PRR16: variants seen among roughly 807,000 people sequenced by gnomAD.
The protein encoded by PRR16 is protein Largen.
PRR16 carries 6 observed loss-of-function variants against 18.2 expected under a neutral mutation model. That is an observed-to-expected ratio of 0.33 (90% CI 0.18 to 0.65). PRR16 has a LOEUF of 0.65. Ranked by LOEUF, PRR16 falls within the 30% of genes least tolerant of loss-of-function variation. The pLI, the probability that PRR16 is intolerant of heterozygous loss-of-function variation, is 0.74. For missense variants in PRR16, 412 were observed against 376.6 expected, an observed-to-expected ratio of 1.09 and a Z score of -0.78; for synonymous variants, 151 against 147.8, an observed-to-expected ratio of 1.02 and a Z score of -0.16.
chr5:120,761,820 G>A, the PRR16 span, among the ~76,000 whole-genome samples: 1 of 151,954 alleles, frequency 6.6e-6, no homozygotes, highest in East Asian at 1.9e-4. Flanking sequence ...TATTCGTTCT[G>A]TCTAACTGTA....
At chr5:120,718,228 C>T in the PRR16 span, among the ~76,000 whole-genome samples, 1 of 152,062 alleles carries the variant, frequency 6.6e-6, no homozygotes, top group African/African-American at 2.4e-5. Flanking sequence ...TTCTGTGGCC[C>T]TACTTAATTA....
chr5:120,515,265 A>G (rs946222604), intron 1 of PRR16, among the ~76,000 whole-genome samples: 1 of 152,188 alleles, frequency 6.6e-6, no homozygotes, highest in African/African-American at 2.4e-5. Context: ...ACATTAATCT[A>G]TTTATGAGGG....
At chr5:120,619,078 G>A (rs1169648111) in intron 1 of PRR16, among the ~76,000 whole-genome samples, 1 of 152,122 alleles carries the variant, frequency 6.6e-6, no homozygotes, top group African/African-American at 2.4e-5. Flanking sequence ...GGCATAGATT[G>A]ATAACTCATG....
intron 1 of PRR16, among the ~76,000 whole-genome samples, chr5:120,566,993 T>C (rs1752758228): frequency 6.6e-6 from 1 of 152,310 alleles, no homozygotes; most frequent in East Asian, 1.9e-4. Flanking sequence ...TCCTAAGGCA[T>C]ACCCAGTTCC....
At chr5:120,664,341 A>C (rs949075203) in intron 1 of PRR16, among the ~76,000 whole-genome samples, 3 of 151,814 alleles carry the variant, frequency 2.0e-5, no homozygotes, top group Non-Finnish European at 2.9e-5. Context: ...ACAAATCCTT[A>C]TCTCGTGCTG....
chr5:120,608,893 G>A (rs909479274), intron 1 of PRR16, among the ~76,000 whole-genome samples: 8 of 151,758 alleles, frequency 5.3e-5, no homozygotes, highest in Non-Finnish European at 8.8e-5. Flanking sequence ...TTTATACTTC[G>A]GTCTTCATTT....
intron 1 of PRR16, among the ~76,000 whole-genome samples, chr5:120,611,683 G>A (rs975199188): frequency 3.3e-5 from 5 of 152,328 alleles, no homozygotes; most frequent in East Asian, 3.9e-4. Flanking sequence ...GAAGATGTAC[G>A]GGAATGTCTG....
At chr5:120,604,917 C>T (rs1448400225) in intron 1 of PRR16, among the ~76,000 whole-genome samples, 1 of 152,138 alleles carries the variant, frequency 6.6e-6, no homozygotes, top group Non-Finnish European at 1.5e-5. Flanking sequence ...AGACTGCTGA[C>T]ATTACCTTTG....
chr5:120,770,087 AAAG>A, the PRR16 span, among the ~76,000 whole-genome samples: 2 of 151,970 alleles, frequency 1.3e-5, no homozygotes, highest in Non-Finnish European at 2.9e-5. Context: ...TTTATAAAGT[AAAG>A]AAAATCCTAA....
chr5:120,776,862 C>A, the PRR16 span, among the ~76,000 whole-genome samples: 1 of 151,850 alleles, frequency 6.6e-6, no homozygotes, highest in African/African-American at 2.4e-5. Flanking sequence ...GACCGTAATT[C>A]TTATTATTGT....
At chr5:120,557,741 T>A (rs928295006) in intron 1 of PRR16, among the ~76,000 whole-genome samples, 2 of 151,922 alleles carry the variant, frequency 1.3e-5, no homozygotes, top group Admixed American at 6.6e-5. Flanking sequence ...CATTAAATAC[T>A]TTGAAAAAGC....
chr5:120,792,189 A>G, the PRR16 span, among the ~76,000 whole-genome samples: 1 of 152,222 alleles, frequency 6.6e-6, no homozygotes, highest in Non-Finnish European at 1.5e-5. Flanking sequence ...CTCAGTGATA[A>G]GCAGCACTTT....
chr5:120,701,045 G>T, the PRR16 span, among the ~76,000 whole-genome samples: 68 of 152,290 alleles, frequency 4.5e-4, no homozygotes, highest in African/African-American at 9.1e-4. Context: ...CAGATTTCTG[G>T]CACATGTAGC....
At chr5:120,783,381 T>C in the PRR16 span, among the ~76,000 whole-genome samples, 1 of 152,082 alleles carries the variant, frequency 6.6e-6, no homozygotes, top group Non-Finnish European at 1.5e-5. Flanking sequence ...ATCCACATAA[T>C]AGCCAAAACA....
chr5:120,566,476 A>T (rs922673590), intron 1 of PRR16, among the ~76,000 whole-genome samples: 1 of 152,184 alleles, frequency 6.6e-6, no homozygotes, highest in Admixed American at 6.5e-5. Flanking sequence ...CTTTATGTAT[A>T]TTATTTTGGT....
At chr5:120,572,563 T>G (rs533217661) in intron 1 of PRR16, among the ~76,000 whole-genome samples, 2 of 152,190 alleles carry the variant, frequency 1.3e-5, no homozygotes, top group South Asian at 4.1e-4. Context: ...GATATATAAG[T>G]CAGGAGATGA....
intron 1 of PRR16, among the ~76,000 whole-genome samples, chr5:120,519,432 T>A (rs370083816): frequency 1.4e-4 from 21 of 152,184 alleles, no homozygotes; most frequent in East Asian, 7.7e-4. Flanking sequence ...GGAATCTTTA[T>A]ATGATAGGCA....
At chr5:120,709,461 A>G in the PRR16 span, among the ~76,000 whole-genome samples, 7 of 152,150 alleles carry the variant, frequency 4.6e-5, no homozygotes, top group Admixed American at 2.6e-4. Context: ...GATGCTCATC[A>G]TCTCAAATAT....
the PRR16 span, among the ~76,000 whole-genome samples, chr5:120,754,374 T>G: frequency 1.9e-5 from 1 of 51,784 alleles, no homozygotes. Flanking sequence ...ATATATAATA[T>G]ATAACATATA....
Sources: allele counts gnomAD v4.1 joint callset (sites outside exome capture counted in the v4.1 genomes callset), GRCh38; gene constraint gnomAD v4.1.1; transcripts MANE v1.5; gene names NCBI Gene and HGNC (gene_info 2026-07-23, HGNC 2026-07-21).